IMMP1L: variants seen among roughly 807,000 people sequenced by gnomAD.
The protein encoded by IMMP1L is inner mitochondrial membrane peptidase subunit 1.
In IMMP1L, 24 loss-of-function variants were observed where a neutral mutation model predicts 21.8. The observed-to-expected ratio is 1.10, with a 90% CI of 0.80 to 1.55. The LOEUF (loss-of-function observed/expected upper bound fraction) is 1.55. Ranked by LOEUF, IMMP1L falls within the 40% of genes most tolerant of loss-of-function variation. The pLI is 0.00. For synonymous variants in IMMP1L, 46 were observed against 62.8 expected (o/e 0.73, Z 1.26); for missense variants, 195 against 200.7 (o/e 0.97, Z 0.17).
At chr11:31,456,448 A>T in intron 3 of IMMP1L, 62 bp from the exon 4 acceptor site, 1 of 1,313,890 alleles carries the variant, frequency 7.6e-7, no homozygotes, top group Non-Finnish European at 1.1e-6. Flanking sequence ...CATGCATGGC[A>T]CTGCTTTAAT....
At chr11:31,439,488 T>A (rs958304399) in intron 4 of IMMP1L, among the ~76,000 whole-genome samples, 1 of 152,198 alleles carries the variant, frequency 6.6e-6, no homozygotes, top group Non-Finnish European at 1.5e-5. Flanking sequence ...TTAGAATTGG[T>A]GTTTTAGAGT....
At chr11:31,491,453 A>T (rs918132817) in intron 1 of IMMP1L, among the ~76,000 whole-genome samples, 1 of 152,210 alleles carries the variant, frequency 6.6e-6, no homozygotes, top group Non-Finnish European at 1.5e-5. Context: ...GTGGCAGAAA[A>T]CTTGGCTGAA....
chr11:31,489,248 C>T (rs943739946), intron 1 of IMMP1L, among the ~76,000 whole-genome samples: 2 of 151,978 alleles, frequency 1.3e-5, no homozygotes, highest in Non-Finnish European at 2.9e-5. Context: ...TGTGAGTTTG[C>T]GTGTGACTTT....
chr11:31,464,792 A>T (rs569991757), intron 1 of IMMP1L, among the ~76,000 whole-genome samples: 6 of 152,302 alleles, frequency 3.9e-5, no homozygotes, highest in Non-Finnish European at 5.9e-5. Flanking sequence ...ACATACATCA[A>T]AACAATAAAA....
intron 1 of IMMP1L, among the ~76,000 whole-genome samples, chr11:31,507,547 G>A (rs1200867789): frequency 1.3e-5 from 2 of 152,172 alleles, no homozygotes; most frequent in Non-Finnish European, 2.9e-5. Flanking sequence ...ATACCATTAT[G>A]TTAAGTGAAA....
intron 1 of IMMP1L, among the ~76,000 whole-genome samples, chr11:31,487,976 A>G (rs1955138347): frequency 6.6e-6 from 1 of 152,130 alleles, no homozygotes; most frequent in Non-Finnish European, 1.5e-5. Context: ...TCCCCTCCTT[A>G]GTGGGTCCAA....
intron 4 of IMMP1L, among the ~76,000 whole-genome samples, chr11:31,441,830 GA>G (rs1339631382): frequency 2.6e-5 from 4 of 151,946 alleles, no homozygotes; most frequent in African/African-American, 2.4e-5. Flanking sequence ...AACTAAGGCT[GA>G]AAACCACTCT....
chr11:31,508,642 T>G (rs1211644969), intron 1 of IMMP1L, among the ~76,000 whole-genome samples: 1 of 152,216 alleles, frequency 6.6e-6, no homozygotes, highest in Non-Finnish European at 1.5e-5. Context: ...AACAATTCGA[T>G]GGCAAGAATT....
intron 2 of IMMP1L, 98 bp from the exon 3 acceptor site, chr11:31,460,812 G>A (rs1255670155): frequency 1.1e-6 from 1 of 884,416 alleles, no homozygotes; most frequent in Non-Finnish European, 1.8e-6. Context: ...TCAAGCAAAT[G>A]TTCCTAAAGC....
intron 4 of IMMP1L, chr11:31,452,736 A>G (rs1953797038): frequency 9.8e-7 from 1 of 1,019,948 alleles, no homozygotes; most frequent in Non-Finnish European, 1.2e-6. Flanking sequence ...TAAGGAAAGC[A>G]AACAGCATCT....
In IMMP1L at chr11:31,460,684, GA is replaced by G; in HGVS notation, c.135del (p.Gln46LysfsTer24). ...TCTGCAAAGACAATATCTGAATTTTGAATTGTAGGCTCCATTGATGGTCCAG... is the reference window on the plus strand; with the variant it reads ...TCTGCAAAGACAATATCTGAATTTTGATTGTAGGCTCCATTGATGGTCCAG... ...MCSGPSMEPTIQNSDIVFAEN... is the reference protein window; with the variant it reads ...MCSGPSMEPTXQNSDIVFAEN... On this transcript the variant is annotated frameshift_variant, in exon 3 of 6. Coordinates refer to ENST00000532287, the MANE Select transcript of IMMP1L (RefSeq NM_001304274.2). LOFTEE classifies it high-confidence loss of function. 1.9e-6 allele frequency: 3 copies of G among 1,610,688 alleles called. No individual in the cohort carries two copies. In the South Asian group the frequency reaches 3.3e-5, roughly 18 times the overall value.
In IMMP1L at chr11:31,501,497, T is replaced by C. The variant is rs182235514; in HGVS notation, c.-30+8022A>G. On this transcript the variant is annotated intron_variant, in intron 1 of 5. Coordinates refer to ENST00000532287, the MANE Select transcript of IMMP1L (RefSeq NM_001304274.2). ...CCCTCGCTGGATACCAGCCCCTCAATCTTGGACTTCCCAGTTTCCTGAATT... is the reference window on the plus strand; with the variant it reads ...CCCTCGCTGGATACCAGCCCCTCAACCTTGGACTTCCCAGTTTCCTGAATT... Among the ~76,000 whole-genome samples, 31 of 152,330 alleles carry C rather than the reference T, an allele frequency of 2.0e-4. No homozygotes were observed. The East Asian group carries it at 3.9e-3, about 19-fold the overall frequency.
At chr11:31,445,448 T>G (rs1454900607) in intron 4 of IMMP1L, among the ~76,000 whole-genome samples, 8 of 152,222 alleles carry the variant, frequency 5.3e-5, no homozygotes, top group African/African-American at 1.9e-4. Context: ...AAAAACAGAT[T>G]TATATCTGAA....
chr11:31,470,434 C>CAAAAAAAAA (rs1027463461), intron 1 of IMMP1L, among the ~76,000 whole-genome samples: 1 of 128,100 alleles, frequency 7.8e-6, no homozygotes, highest in Non-Finnish European at 1.7e-5. Flanking sequence ...AAACAAAAAA[C>CAAAAAAAAA]AAAAAAAAAA....
chr11:31,509,563 T>C lies in IMMP1L; in HGVS notation c.-74A>G, dbSNP rs949790819. ...TGGAGACCCTCAACCAGGACACAGGTGGGCCTTTCTCACCTGGGCCCCGCC... is the reference window on the plus strand; with the variant it reads ...TGGAGACCCTCAACCAGGACACAGGCGGGCCTTTCTCACCTGGGCCCCGCC... On this transcript the variant is annotated 5_prime_UTR_variant, in exon 1 of 6. Transcript: ENST00000532287. 1.0e-5 allele frequency: 6 copies of C among 584,882 alleles called. No homozygotes were observed. The highest frequency in any genetic ancestry group is 9.3e-5 in the African/African-American group (5 of 53,598). The allele number at this position is 584,882 out of a possible 1,614,324, so 36.2% of individuals were successfully genotyped here. A position where few individuals can be genotyped will look rare whatever the true frequency, so the allele number is the denominator to read the frequency against.
At chr11:31,458,042 C>T (rs377497053) in intron 3 of IMMP1L, among the ~76,000 whole-genome samples, 7 of 152,074 alleles carry the variant, frequency 4.6e-5, no homozygotes, top group Non-Finnish European at 7.4e-5. Flanking sequence ...GAGGAAGAGA[C>T]GTTTTTCCAT....
intron 1 of IMMP1L, among the ~76,000 whole-genome samples, chr11:31,505,841 G>T (rs1428440911): frequency 6.6e-6 from 1 of 152,146 alleles, no homozygotes; most frequent in Non-Finnish European, 1.5e-5. Flanking sequence ...TTCTTCCTAT[G>T]ATTTGATTAA....
At chr11:31,449,510 T>G (rs1267738072) in intron 4 of IMMP1L, among the ~76,000 whole-genome samples, 1 of 152,160 alleles carries the variant, frequency 6.6e-6, no homozygotes, top group Admixed American at 6.5e-5. Flanking sequence ...TAAAACAGCT[T>G]TATTATTGCC....
Position 31,463,243 on chromosome 11 carries a change from G to A in IMMP1L, c.34C>T (p.Leu12Phe). 6.2e-7 allele frequency: 1 copy of A among 1,612,602 alleles called. No homozygotes were observed. The highest frequency in any genetic ancestry group is 8.5e-7 in the Non-Finnish European group (1 of 1,179,264). Residue 12 changes from leucine to phenylalanine, a missense_variant, in exon 2 of 6, where the codon CTT (leucine) becomes TTT (phenylalanine). Physicochemically the swap from Leu to Phe is conservative, Grantham distance 22. Transcript: ENST00000532287. ...CCATATTGAATAGTATAGCCAACAAGTCGAAAGGTTTTCCCCAGAACACCA... is the reference window on the plus strand; with the variant it reads ...CCATATTGAATAGTATAGCCAACAAATCGAAAGGTTTTCCCCAGAACACCA... ...LRGVLGKTFR[L>F]VGYTIQYGCI...
Sources: allele counts gnomAD v4.1 joint callset (sites outside exome capture counted in the v4.1 genomes callset), GRCh38; gene constraint gnomAD v4.1.1; transcripts MANE v1.5; gene names NCBI Gene and HGNC (gene_info 2026-07-23, HGNC 2026-07-21).